The following DENND4C variants were observed in gnomAD, a reference collection of about 807,000 sequenced individuals.
DENND4C encodes DENN domain containing 4C.
DENND4C carries 108 observed loss-of-function variants against 203.0 expected under a neutral mutation model. The ratio of observed to expected loss-of-function variants is 0.53; its 90% CI spans 0.46 to 0.62. The LOEUF (loss-of-function observed/expected upper bound fraction) is 0.62, where lower values mean the gene tolerates loss of function less well. Ranked by LOEUF, DENND4C falls within the 20% of genes least tolerant of loss-of-function variation. The probability of loss-of-function intolerance (pLI) is 0.00; values close to 1 mark genes in which losing one functional copy is unlikely to be tolerated. For synonymous variants in DENND4C, 871 were observed against 792.4 expected, an observed-to-expected ratio of 1.10 and a Z score of -1.67; for missense variants, 2,481 against 2,301.2, an observed-to-expected ratio of 1.08 and a Z score of -1.60.
At chr9:19,344,887 C>T (rs1432919596) in intron 22 of DENND4C, among the ~76,000 whole-genome samples, 2 of 152,122 alleles carry the variant, frequency 1.3e-5, no homozygotes, top group Non-Finnish European at 2.9e-5. Flanking sequence ...AGGGTGTTAG[C>T]ATGGTGAGTT....
chr9:19,342,606 T>C (rs1410954125), intron 21 of DENND4C, 27 bp from the exon 22 acceptor site: 43 of 1,569,974 alleles, frequency 2.7e-5, no homozygotes, highest in Non-Finnish European at 3.4e-5. Context: ...AAAGTAGGAA[T>C]GATAACATCC....
chr9:19,366,684 A>G (rs1358328310), intron 30 of DENND4C, among the ~76,000 whole-genome samples: 1 of 152,224 alleles, frequency 6.6e-6, no homozygotes, highest in African/African-American at 2.4e-5. Flanking sequence ...ACTTCCTCAA[A>G]TCATACATAG....
At position 19,300,199 on chromosome 9, in the gene DENND4C, T is replaced by A; in HGVS notation, c.1179T>A (p.Phe393Leu). Residue 393 changes from phenylalanine (F) to leucine (L), a missense_variant, in exon 9 of 33, where the codon TTT becomes TTA. By Grantham distance (22) the Phe-to-Leu change is conservative. This residue lies in a region of DENND4C where 2,289 missense variants were observed against 2,113.3 expected (regional missense o/e 1.08). Transcript: ENST00000434457. Reference sequence around the variant, plus strand: ...TTTTTTTCCCTAGTGGAGCCAACTTTAGCACCTTGCTAATGAATCTGGGTC... The same window carrying A: ...TTTTTTTCCCTAGTGGAGCCAACTTAAGCACCTTGCTAATGAATCTGGGTC... Reference protein sequence around the residue: ...STPLPLSGANFSTLLMNLGPE... With the variant: ...STPLPLSGANLSTLLMNLGPE... 1 of 1,608,584 alleles carries A rather than the reference T, an allele frequency of 6.2e-7. No homozygotes were observed. Among genetic ancestry groups the A allele is most frequent in the South Asian group, 1.1e-5 (1 of 90,394 alleles).
At chr9:19,251,542 TG>T (rs1410736263) in intron 1 of DENND4C, among the ~76,000 whole-genome samples, 1 of 152,194 alleles carries the variant, frequency 6.6e-6, no homozygotes, top group Admixed American at 6.5e-5. Flanking sequence ...CCTCAGAAAA[TG>T]GGATTTTCTT....
At chr9:19,283,829 A>G (rs1205340650) in intron 2 of DENND4C, among the ~76,000 whole-genome samples, 1 of 151,830 alleles carries the variant, frequency 6.6e-6, no homozygotes, top group Non-Finnish European at 1.5e-5. Context: ...TCCCAACCTC[A>G]GGTGATCCGC....
chr9:19,324,758 T>TTG (rs1184192299), intron 13 of DENND4C, among the ~76,000 whole-genome samples: 7 of 152,230 alleles, frequency 4.6e-5, no homozygotes, highest in African/African-American at 1.7e-4. Flanking sequence ...CTCATTCTGT[T>TTG]ACCCAGGCTA....
chr9:19,296,364 C>CTTT (rs749134604), intron 6 of DENND4C, 118 bp downstream of exon 6: 569 of 479,232 alleles, frequency 1.2e-3, no homozygotes, highest in South Asian at 1.8e-3. Context: ...TTTAACTGAA[C>CTTT]TTTTTTTTTT....
intron 31 of DENND4C, chr9:19,371,495 CTA>C (rs1184113387): frequency 1.2e-5 from 3 of 247,546 alleles, no homozygotes; most frequent in African/African-American, 6.9e-5. Context: ...TGCCCATTAA[CTA>C]TGTTTTAACT....
intron 1 of DENND4C, among the ~76,000 whole-genome samples, chr9:19,271,101 C>T (rs892118944): frequency 1.3e-5 from 2 of 151,882 alleles, no homozygotes; most frequent in Non-Finnish European, 2.9e-5. Flanking sequence ...AGAGATTAAC[C>T]TTGTTCATGG....
At chr9:19,324,570 A>G (rs892585543) in intron 13 of DENND4C, 63 bp downstream of exon 13, 1 of 1,498,500 alleles carries the variant, frequency 6.7e-7, no homozygotes, top group African/African-American at 1.4e-5. Context: ...TGTAATTATC[A>G]TTGTTATTGT....
At chr9:19,295,982 T>C in intron 5 of DENND4C, 26 bp from the exon 6 acceptor site, 1 of 1,517,214 alleles carries the variant, frequency 6.6e-7, no homozygotes, top group African/African-American at 1.4e-5. Flanking sequence ...ACTCAAATCT[T>C]ATAACAGAAT....
chr9:19,271,117 A>G (rs148010577), intron 1 of DENND4C, among the ~76,000 whole-genome samples: 69 of 152,278 alleles, frequency 4.5e-4, no homozygotes, highest in African/African-American at 1.6e-3. Flanking sequence ...CATGGATTAG[A>G]AGACTCAATA....
At chr9:19,344,985 C>T (rs1416840961) in intron 22 of DENND4C, among the ~76,000 whole-genome samples, 1 of 152,104 alleles carries the variant, frequency 6.6e-6, no homozygotes, top group African/African-American at 2.4e-5. Context: ...TTTAAGGGCT[C>T]TAATCCCATT....
At chr9:19,333,943 G>C (rs190840626) in intron 17 of DENND4C, among the ~76,000 whole-genome samples, 1 of 152,312 alleles carries the variant, frequency 6.6e-6, no homozygotes, top group African/African-American at 2.4e-5. Context: ...TTGTTCTGTA[G>C]GCATTTTGGA....
intron 1 of DENND4C, among the ~76,000 whole-genome samples, chr9:19,254,617 G>T (rs986156830): frequency 1.3e-5 from 2 of 152,146 alleles, no homozygotes; most frequent in South Asian, 4.1e-4. Flanking sequence ...GGGATGTAAT[G>T]TACAGCATGG....
chr9:19,263,780 G>A (rs1022610956), intron 1 of DENND4C, among the ~76,000 whole-genome samples: 4 of 151,490 alleles, frequency 2.6e-5, no homozygotes, highest in Admixed American at 1.3e-4. Flanking sequence ...TCAGCCTCCC[G>A]AGTAGCTGGG....
chr9:19,316,107 A>T (rs961340107), intron 10 of DENND4C, among the ~76,000 whole-genome samples: 3 of 152,188 alleles, frequency 2.0e-5, no homozygotes, highest in African/African-American at 7.2e-5. Flanking sequence ...TCTCATGTCA[A>T]CTAGGTTTGA....
At chr9:19,245,968 T>C (rs199698691) in intron 1 of DENND4C, among the ~76,000 whole-genome samples, 4 of 145,818 alleles carry the variant, frequency 2.7e-5, no homozygotes, top group African/African-American at 7.6e-5. Context: ...ATTTTTTTTT[T>C]ATTTTTTCAG....
chr9:19,312,138 C>G (rs1386918688), intron 10 of DENND4C, among the ~76,000 whole-genome samples: 5 of 152,178 alleles, frequency 3.3e-5, no homozygotes, highest in South Asian at 2.1e-4. Context: ...GAGTCTTGCT[C>G]TGTCGCCCAG....
Sources: gnomAD v4.1 joint callset for allele counts (sites outside exome capture counted in the v4.1 genomes callset) on GRCh38, gnomAD v4.1.1 for gene constraint, gnomAD v4.1.1 regional missense constraint, MANE v1.5 for transcripts, NCBI Gene and HGNC (gene_info 2026-07-23, HGNC 2026-07-21) for gene names.